ELP2: variants seen among roughly 807,000 people sequenced by gnomAD.
The protein encoded by ELP2 is elongator acetyltransferase complex subunit 2, also known as elongator complex protein 2.
In ELP2, 90 loss-of-function variants were observed where a neutral mutation model predicts 119.2. The ratio of observed to expected loss-of-function variants is 0.75; its 90% CI spans 0.64 to 0.90. The LOEUF (loss-of-function observed/expected upper bound fraction) is 0.90, where lower values mean the gene tolerates loss of function less well. ELP2 is among the 40% of genes least tolerant of loss of function. The pLI is 0.00. For missense variants in ELP2, 921 were observed against 967.8 expected, an observed-to-expected ratio of 0.95 and a Z score of 0.64; for synonymous variants, 339 against 331.0, an observed-to-expected ratio of 1.02 and a Z score of -0.26.
intron 1 of ELP2, among the ~76,000 whole-genome samples, chr18:36,131,930 C>CTT (rs5823996): frequency 0.03 from 2,371 of 80,022 alleles, 35 homozygotes; most frequent in Middle Eastern, 0.043. Flanking sequence ...GCTGGTCGGG[C>CTT]TTTTTTTTTT....
chr18:36,130,337 A>C (rs2089561748), intron 1 of ELP2, among the ~76,000 whole-genome samples: 1 of 152,216 alleles, frequency 6.6e-6, no homozygotes, highest in Non-Finnish European at 1.5e-5. Context: ...CAGAAACCCG[A>C]ATGATAAGCA....
Position 36,158,842 on chromosome 18 carries a change from G to C in ELP2, c.1472G>C (p.Ser491Thr), listed in dbSNP as rs117536068. The change falls in exon 14 of 22, where the codon AGT becomes ACT. Residue 491 changes from serine to threonine, a missense_variant. Coordinates refer to ENST00000358232, the MANE Select transcript of ELP2 (RefSeq NM_018255.4). ...SLNHVLCNQD[S>T]DLPEGATVPA... Reference sequence around the variant, plus strand: ...TTATATTTTCTATTCTAGCAAGATAGTGATCTTCCAGAAGGAGCCACTGTC... The same window carrying C: ...TTATATTTTCTATTCTAGCAAGATACTGATCTTCCAGAAGGAGCCACTGTC... 4,585 of 1,594,516 alleles carry C rather than the reference G, an allele frequency of 2.9e-3. 15 individuals are homozygous for C. The highest frequency in any genetic ancestry group is 3.6e-3 in the Non-Finnish European group (4,175 of 1,162,256).
chr18:36,155,118 T>G (rs1598795208), intron 12 of ELP2, 119 bp downstream of exon 12: 1 of 805,248 alleles, frequency 1.2e-6, no homozygotes, highest in East Asian at 2.7e-5. Flanking sequence ...GTTCAAGCGA[T>G]TCTCCTGTCT....
At chr18:36,141,049 A>T in intron 5 of ELP2, 88 bp from the exon 6 acceptor site, 1 of 1,057,494 alleles carries the variant, frequency 9.5e-7, no homozygotes, top group Non-Finnish European at 1.5e-6. Context: ...AGGATTCTTT[A>T]CTTAGAGCTT....
chr18:36,141,952 G>T (rs1045232045), intron 6 of ELP2, among the ~76,000 whole-genome samples: 3 of 152,064 alleles, frequency 2.0e-5, no homozygotes, highest in African/African-American at 4.8e-5. Flanking sequence ...CCTCAGCCTC[G>T]CAAGGTATTA....
Position 36,179,307 on chromosome 18 carries a change from C to CAAAAAAAAAAAAAAA in ELP2, c.*4668_*4682dup, listed in dbSNP as rs56758248. The stretch of plus-strand genomic sequence containing the variant: ...TGAAACCCCATCTCTACTAAAAATA[C>CAAAAAAAAAAAAAAA]AAAAAAAAAAAAAAAATTAGTCGGG... On this transcript the variant is annotated 3_prime_UTR_variant, in exon 22 of 22. Transcript: ENST00000358232. The CAAAAAAAAAAAAAAA allele has an allele frequency of 2.8e-5, 3 of 108,764 alleles. No homozygotes were observed. The highest frequency in any genetic ancestry group is 3.7e-5 in the Non-Finnish European group (2 of 53,888). The allele number at this position is 108,764 out of a possible 1,614,324, so 6.7% of individuals were successfully genotyped here.
chr18:36,167,322 T>C, intron 19 of ELP2, 100 bp downstream of exon 19: 1 of 937,630 alleles, frequency 1.1e-6, no homozygotes, highest in Non-Finnish European at 1.5e-6. Context: ...CTGTTACAGC[T>C]TTTAAAAATC....
chr18:36,161,005 G>T lies in ELP2; in HGVS notation c.1761+1G>T. Reference sequence around the variant, plus strand: ...GACTCTGCTTGCCTCAGCTTGTAAGGTAGGGAAGTTTACTTTTGATTCTGC... The same window carrying T: ...GACTCTGCTTGCCTCAGCTTGTAAGTTAGGGAAGTTTACTTTTGATTCTGC... On this transcript the variant is annotated splice_donor_variant, in intron 17 of 21. Transcript: ENST00000358232. LOFTEE classifies it high-confidence loss of function. 2 of 1,612,164 alleles carry T rather than the reference G, an allele frequency of 1.2e-6. No individual in the cohort carries two copies. The highest frequency in any genetic ancestry group is 1.1e-5 in the South Asian group (1 of 91,054).
chr18:36,168,060 A>G (rs915163693), intron 19 of ELP2, among the ~76,000 whole-genome samples: 6 of 151,886 alleles, frequency 4.0e-5, no homozygotes, highest in Non-Finnish European at 7.4e-5. Context: ...TTGTTTTCAT[A>G]CTCTTTAAAA....
intron 8 of ELP2, among the ~76,000 whole-genome samples, chr18:36,143,176 A>G (rs1375775827): frequency 1.3e-5 from 2 of 151,576 alleles, no homozygotes; most frequent in Non-Finnish European, 2.9e-5. Flanking sequence ...GCTCACTGCA[A>G]CCTCCGTCTC....
rs779458647 is a variant in ELP2 at position 36,167,150 on chromosome 18, C to T, written c.2004C>T (p.His668=). Residue 668 remains histidine (H), a synonymous_variant, in exon 19 of 22, where the codon CAC becomes CAT. Transcript: ENST00000358232. ...TCACCAACAAAATTACTTCTGTGCA[C>T]AGTAGAATTATTTGGTCTTGTGATT... The part of the protein sequence containing the change: ...FAFTNKITSV[H]SRIIWSCDWS... 1.4e-5 allele frequency: 23 copies of T among 1,602,024 alleles called. No homozygotes were observed. Among genetic ancestry groups the T allele is most frequent in the Non-Finnish European group, 1.9e-5 (22 of 1,173,606 alleles).
chr18:36,169,203 G>A (rs112315686), intron 19 of ELP2, among the ~76,000 whole-genome samples: 6,827 of 151,922 alleles, frequency 0.045, 482 homozygotes, highest in African/African-American at 0.15. Context: ...TAGGATTATA[G>A]GTGTGAGCCA....
chr18:36,136,760 A>G lies in ELP2; in HGVS notation c.288+383A>G, dbSNP rs531279113. 5.1e-5 allele frequency: 9 copies of G among 176,520 alleles called. No individual in the cohort carries two copies. The South Asian group carries it at 1.0e-3, about 20-fold the overall frequency. The allele number at this position is 176,520 out of a possible 1,614,324, so 10.9% of individuals were successfully genotyped here. Reference sequence around the variant, plus strand: ...ACCCTTTGCTCTGATTTCTACTCCCATATTTGTATGCTGTTAACTGTCTCT... The same window carrying G: ...ACCCTTTGCTCTGATTTCTACTCCCGTATTTGTATGCTGTTAACTGTCTCT... On this transcript the variant is annotated intron_variant, in intron 3 of 21. Coordinates refer to ENST00000358232, the MANE Select transcript of ELP2 (RefSeq NM_018255.4).
rs751872540 is a variant in ELP2 at position 36,154,783 on chromosome 18, G to A, written c.1126-67G>A. 33 of 1,580,794 alleles carry A rather than the reference G, an allele frequency of 2.1e-5. No homozygotes were observed. In the African/African-American group the frequency reaches 2.8e-4, roughly 14 times the overall value. On this transcript the variant is annotated intron_variant, in intron 11 of 21. Transcript: ENST00000358232. The stretch of plus-strand genomic sequence containing the variant: ...GCTTTAGTCTTCTCTGTTATCAGAC[G>A]TGAGTGCTTTACTTTGGTGGTAGTC...
chr18:36,138,540 T>C, intron 4 of ELP2, 114 bp downstream of exon 4: 1 of 1,202,924 alleles, frequency 8.3e-7, no homozygotes, highest in Non-Finnish European at 1.2e-6. Flanking sequence ...TTAAAAATAC[T>C]ATAATTCTAA....
chr18:36,169,445 G>A (rs1431220443), intron 19 of ELP2, among the ~76,000 whole-genome samples: 2 of 150,886 alleles, frequency 1.3e-5, no homozygotes, highest in Non-Finnish European at 3.0e-5. Context: ...GGAGTGCAGT[G>A]GCACGATCTC....
Position 36,138,379 on chromosome 18 carries a change from C to T in ELP2, c.398C>T (p.Ala133Val). ...DPALCTLIVS[A>V]AADSAVRLWS... ...GCATTATGTACACTGATCGTTTCTG[C>T]AGCTGCAGATTCTGCTGTTCGACTC... Residue 133 changes from alanine (A) to valine (V), a missense_variant, in exon 4 of 22, where the codon GCA becomes GTA. Ala to Val is a moderately conservative substitution (Grantham distance 64, BLOSUM62 0). Coordinates refer to ENST00000358232, the MANE Select transcript of ELP2 (RefSeq NM_018255.4). The T allele has an allele frequency of 6.2e-7, 1 of 1,614,098 alleles. No individual in the cohort carries two copies. The highest frequency in any genetic ancestry group is 8.5e-7 in the Non-Finnish European group (1 of 1,180,008).
At chr18:36,150,138 T>G (rs1480259988) in intron 11 of ELP2, among the ~76,000 whole-genome samples, 5 of 152,214 alleles carry the variant, frequency 3.3e-5, no homozygotes, top group Non-Finnish European at 7.3e-5. Flanking sequence ...CCAGCCATGT[T>G]CAGGGCCTTC....
chr18:36,141,255 A>C, intron 6 of ELP2, 54 bp downstream of exon 6: 162 of 1,317,046 alleles, frequency 1.2e-4, no homozygotes, highest in Non-Finnish European at 1.6e-4. Context: ...GTTATATCTC[A>C]ATACAGACTA....
Sources: gnomAD v4.1 joint callset for allele counts (sites outside exome capture counted in the v4.1 genomes callset) on GRCh38, gnomAD v4.1.1 for gene constraint, MANE v1.5 for transcripts, NCBI Gene and HGNC (gene_info 2026-07-23, HGNC 2026-07-21) for gene names.